Variants in KLHL25 observed in about 807,000 individuals in gnomAD.
The protein encoded by KLHL25 is kelch-like protein 25.
A neutral mutation model predicts 30.0 loss-of-function variants in KLHL25; 41 were observed. The observed-to-expected ratio is 1.37, with a 90% confidence interval of 1.07 to 1.78. The LOEUF (loss-of-function observed/expected upper bound fraction) is 1.78, where lower values mean the gene tolerates loss of function less well. Among genes scored for constraint, KLHL25 ranks in the 40% most tolerant of loss-of-function variants. The pLI, the probability that KLHL25 is intolerant of heterozygous loss-of-function variation, is 0.00. For missense variants in KLHL25, 971 were observed against 824.5 expected (o/e 1.18, Z -2.18); for synonymous variants, 399 against 355.3 (o/e 1.12, Z -1.38).
rs755911537 is a variant in KLHL25 at position 85,768,732 on chromosome 15, A to G, written c.1079T>C (p.Val360Ala). Residue 360 changes from valine (V) to alanine (A), a missense_variant, in exon 2 of 3, where the codon GTG becomes GCG. Val to Ala is a moderately conservative substitution (Grantham distance 64, BLOSUM62 0). Transcript: ENST00000337975. The stretch of plus-strand genomic sequence containing the variant: ...CCATTCCTCATGTACGGTGTCGTAC[A>G]CCCAGACATCCTTGGAGACCCCGTT... Reference protein sequence around the residue: ...SENGVSKDVWVYDTVHEEWSK... With the variant: ...SENGVSKDVWAYDTVHEEWSK... 6.2e-7 allele frequency: 1 copy of G among 1,613,308 alleles called. No individual in the cohort carries two copies. Among genetic ancestry groups the G allele is most frequent in the East Asian group, 2.2e-5 (1 of 44,860 alleles).
intron 1 of KLHL25, among the ~76,000 whole-genome samples, chr15:85,773,587 G>A (rs2089691067): frequency 6.6e-6 from 1 of 152,120 alleles, no homozygotes; most frequent in Admixed American, 6.5e-5. Flanking sequence ...GGTGGGGAGT[G>A]GACACGTGCC....
rs777887327 is a variant in KLHL25 at position 85,768,728 on chromosome 15, G to C, written c.1083C>G (p.Tyr361Ter). 1.2e-6 allele frequency: 2 copies of C among 1,613,312 alleles called. No individual in the cohort carries two copies. Among genetic ancestry groups the C allele is most frequent in the South Asian group, 2.2e-5 (2 of 91,074 alleles). The change falls in exon 2 of 3, where the codon TAC becomes TAG. Residue 361 changes from tyrosine (Y) to a stop codon, truncating the protein, a stop_gained. Coordinates refer to ENST00000337975, the MANE Select transcript of KLHL25 (RefSeq NM_022480.4). LOFTEE classifies it high-confidence loss of function. ...ENGVSKDVWV[Y>*]DTVHEEWSKA... ...TGGACCATTCCTCATGTACGGTGTCGTACACCCAGACATCCTTGGAGACCC... is the reference window on the plus strand; with the variant it reads ...TGGACCATTCCTCATGTACGGTGTCCTACACCCAGACATCCTTGGAGACCC...
chr15:85,776,739 C>T (rs2089711730), intron 1 of KLHL25, among the ~76,000 whole-genome samples: 1 of 151,828 alleles, frequency 6.6e-6, no homozygotes, highest in Admixed American at 6.6e-5. Flanking sequence ...TCCTGGCTAA[C>T]ACAGTGAAAC....
rs368654004 is a variant in KLHL25, at chr15:85,786,432, C to G, written c.-11+8334G>C. Among the ~76,000 whole-genome samples, 3 of 152,246 alleles carry G rather than the reference C, an allele frequency of 2.0e-5. No homozygotes were observed. The South Asian group carries it at 6.2e-4, about 32-fold the overall frequency. The stretch of plus-strand genomic sequence containing the variant: ...GGCCCAGGCCATGGTCAGCAGTTCC[C>G]TGGCTCCTCTATCATGGGGCCCGAT... On this transcript the variant is annotated intron_variant, in intron 1 of 2. Coordinates refer to ENST00000337975, the MANE Select transcript of KLHL25 (RefSeq NM_022480.4).
At chr15:85,771,271 C>G (rs970716073) in intron 1 of KLHL25, 1 of 152,146 alleles carries the variant, frequency 6.6e-6, no homozygotes, top group South Asian at 2.1e-4. Flanking sequence ...ATCTTGACCC[C>G]CTAAAAGCCT....
chr15:85,785,328 C>G (rs770533874), intron 1 of KLHL25, among the ~76,000 whole-genome samples: 1 of 152,130 alleles, frequency 6.6e-6, no homozygotes, highest in Non-Finnish European at 1.5e-5. Flanking sequence ...CTCCTGACCT[C>G]GTGATCTGCC....
chr15:85,768,439 T>C lies in KLHL25; in HGVS notation c.1372A>G (p.Met458Val), dbSNP rs1173349191. The C allele has an allele frequency of 5.0e-6, 8 of 1,613,468 alleles. No homozygotes were observed. Among genetic ancestry groups the C allele is most frequent in the Middle Eastern group, 1.7e-4 (1 of 6,060 alleles). Residue 458 changes from methionine (M) to valine (V), a missense_variant, in exon 2 of 3, where the codon ATG becomes GTG. Coordinates refer to ENST00000337975, the MANE Select transcript of KLHL25 (RefSeq NM_022480.4). ...VFGGTSIHRD[M>V]VSKVQCYDPS... is the part of the protein sequence containing the mutation. ...TCATAGCACTGGACCTTGGACACCA[T>C]GTCCCGGTGGATGCTGGTTCCTCCG...
At chr15:85,769,878 A>G in intron 1 of KLHL25, 58 bp from the exon 2 acceptor site, 2 of 1,394,218 alleles carry the variant, frequency 1.4e-6, no homozygotes, top group Non-Finnish European at 2.0e-6. Context: ...CTGCCCTCTC[A>G]GGGCTCACTC....
At chr15:85,767,846 C>T (rs1030413429) in intron 2 of KLHL25, among the ~76,000 whole-genome samples, 171 bp downstream of exon 2, 1 of 152,242 alleles carries the variant, frequency 6.6e-6, no homozygotes, top group African/African-American at 2.4e-5. Context: ...TCCAGGTTAA[C>T]TGCAAATAGA....
chr15:85,779,923 T>C (rs969354643), intron 1 of KLHL25, among the ~76,000 whole-genome samples: 4 of 152,214 alleles, frequency 2.6e-5, no homozygotes, highest in Non-Finnish European at 5.9e-5. Context: ...TTCACTGTAT[T>C]CTCTTGAGAT....
At chr15:85,774,521 A>C (rs1053178756) in intron 1 of KLHL25, among the ~76,000 whole-genome samples, 2 of 152,208 alleles carry the variant, frequency 1.3e-5, no homozygotes, top group Admixed American at 1.3e-4. Flanking sequence ...CTCACAGAAG[A>C]TTCCAGTGAC....
At chr15:85,761,043 T>C (rs117972215) in intron 2 of KLHL25, 32 bp from the exon 3 acceptor site, 2,200 of 152,442 alleles carry the variant, frequency 0.014, 35 homozygotes, top group South Asian at 0.026. Context: ...AGAAAATCAA[T>C]CAGTGGCCAC....
chr15:85,765,031 G>A (rs1051646177), intron 2 of KLHL25, among the ~76,000 whole-genome samples: 13 of 152,332 alleles, frequency 8.5e-5, no homozygotes, highest in African/African-American at 2.6e-4. Context: ...GCAGGGCCAG[G>A]TGGGAGGGAG....
intron 1 of KLHL25, among the ~76,000 whole-genome samples, chr15:85,780,781 C>G (rs1446563749): frequency 1.3e-5 from 2 of 152,206 alleles, no homozygotes; most frequent in African/African-American, 4.8e-5. Context: ...GCAAGGGGAG[C>G]ATAGTTGGCA....
chr15:85,785,489 A>AGG (rs2089775328), intron 1 of KLHL25, among the ~76,000 whole-genome samples: 1 of 152,162 alleles, frequency 6.6e-6, no homozygotes, highest in African/African-American at 2.4e-5. Context: ...CTGGGCAGTC[A>AGG]GAACTACATT....
intron 1 of KLHL25, among the ~76,000 whole-genome samples, chr15:85,787,985 C>T (rs2089791530): frequency 7.1e-6 from 1 of 141,420 alleles, no homozygotes; most frequent in Admixed American, 7.6e-5. Flanking sequence ...TTGCTTGAAC[C>T]CGGGAAGCGG....
At chr15:85,786,107 C>G (rs1243865630) in intron 1 of KLHL25, among the ~76,000 whole-genome samples, 1 of 152,206 alleles carries the variant, frequency 6.6e-6, no homozygotes, top group Non-Finnish European at 1.5e-5. Flanking sequence ...CCTCCCCTTT[C>G]CCTTCTCCTG....
intron 1 of KLHL25, among the ~76,000 whole-genome samples, chr15:85,792,179 T>C (rs2089821885): frequency 6.6e-6 from 1 of 152,192 alleles, no homozygotes; most frequent in South Asian, 2.1e-4. Context: ...GGATAGCTGC[T>C]GATTGATAAG....
intron 1 of KLHL25, among the ~76,000 whole-genome samples, chr15:85,792,410 C>T (rs2089823595): frequency 6.6e-6 from 1 of 152,160 alleles, no homozygotes; most frequent in Non-Finnish European, 1.5e-5. Context: ...TGTGTCTGGC[C>T]ACTCTGTTTT....
Sources: allele counts gnomAD v4.1 joint callset (sites outside exome capture counted in the v4.1 genomes callset), GRCh38; gene constraint gnomAD v4.1.1; transcripts MANE v1.5; gene names NCBI Gene and HGNC (gene_info 2026-07-23, HGNC 2026-07-21).